Variants in MINDY2 observed in about 807,000 individuals in gnomAD.
The protein encoded by MINDY2 is MINDY lysine 48 deubiquitinase 2.
Under a neutral mutation model 68.2 loss-of-function variants are expected in MINDY2, and 52 were observed. The observed-to-expected ratio is 0.76, with a 90% CI of 0.61 to 0.96. The LOEUF (loss-of-function observed/expected upper bound fraction) is 0.96, where lower values mean the gene tolerates loss of function less well. Among genes scored for constraint, MINDY2 ranks in the 40% least tolerant of loss-of-function variants. The probability of loss-of-function intolerance (pLI) is 0.00; values close to 1 mark genes in which losing one functional copy is unlikely to be tolerated. For missense variants in MINDY2, 881 were observed against 773.4 expected (o/e 1.14, Z -1.65); for synonymous variants, 372 against 303.0 (o/e 1.23, Z -2.36).
chr15:58,822,026 G>C (rs1294652168), intron 5 of MINDY2, among the ~76,000 whole-genome samples: 1 of 152,156 alleles, frequency 6.6e-6, no homozygotes, highest in Admixed American at 6.6e-5. Flanking sequence ...AAGGCAGGCA[G>C]ATCACCTGAG....
chr15:58,773,105 A>G (rs1900546541), intron 1 of MINDY2, among the ~76,000 whole-genome samples: 1 of 150,636 alleles, frequency 6.6e-6, no homozygotes, highest in Admixed American at 6.7e-5. Flanking sequence ...TCAAATTGAT[A>G]ATTATATCTG....
At chr15:58,800,159 AT>A (rs1444977528) in intron 2 of MINDY2, among the ~76,000 whole-genome samples, 2 of 151,828 alleles carry the variant, frequency 1.3e-5, no homozygotes, top group East Asian at 1.9e-4. Context: ...CCTCTCTTCC[AT>A]TTTTTTGGCC....
chr15:58,830,787 C>G (rs1296556252), intron 5 of MINDY2, among the ~76,000 whole-genome samples: 1 of 152,018 alleles, frequency 6.6e-6, no homozygotes, highest in African/African-American at 2.4e-5. Flanking sequence ...CACTTGTTTA[C>G]AGTATGCGAG....
intron 7 of MINDY2, among the ~76,000 whole-genome samples, chr15:58,849,665 C>A (rs2032717006): frequency 6.6e-6 from 1 of 152,176 alleles, no homozygotes; most frequent in East Asian, 1.9e-4. Flanking sequence ...TTCAGAAGAA[C>A]TTGAAGGACA....
intron 1 of MINDY2, among the ~76,000 whole-genome samples, chr15:58,776,857 T>C (rs1169541133): frequency 1.3e-5 from 2 of 151,272 alleles, no homozygotes; most frequent in African/African-American, 4.9e-5. Flanking sequence ...CCCCCATCTC[T>C]GTAAAAAAAA....
At chr15:58,796,801 G>T (rs1902314468) in intron 2 of MINDY2, among the ~76,000 whole-genome samples, 2 of 152,170 alleles carry the variant, frequency 1.3e-5, no homozygotes, top group African/African-American at 4.8e-5. Flanking sequence ...GGGATTATAG[G>T]CATTAGCCAC....
intron 2 of MINDY2, among the ~76,000 whole-genome samples, chr15:58,801,376 C>G (rs1356789887): frequency 1.4e-5 from 1 of 70,438 alleles, no homozygotes; most frequent in Non-Finnish European, 2.4e-5. Flanking sequence ...AAGACCCCAT[C>G]TCTTAAAAAA....
intron 8 of MINDY2, among the ~76,000 whole-genome samples, chr15:58,853,709 A>G (rs1406487119): frequency 6.6e-6 from 1 of 150,946 alleles, no homozygotes; most frequent in East Asian, 2.0e-4. Flanking sequence ...AGTCCCAGCT[A>G]CTCGGGAGAC....
At chr15:58,836,310 T>A (rs2031991797) in intron 6 of MINDY2, among the ~76,000 whole-genome samples, 1 of 151,888 alleles carries the variant, frequency 6.6e-6, no homozygotes, top group Non-Finnish European at 1.5e-5. Flanking sequence ...CTACTATCAT[T>A]CTCAGTATCT....
rs1440129964 is a variant in MINDY2, at chr15:58,855,244, G to T, written c.*634G>T. The T allele has an allele frequency of 6.6e-6, 1 of 152,546 alleles. No individual in the cohort carries two copies. Among genetic ancestry groups the T allele is most frequent in the Non-Finnish European group, 1.5e-5 (1 of 68,002 alleles). The allele number at this position is 152,546 out of a possible 1,614,324, so 9.4% of individuals were successfully genotyped here. A position where few individuals can be genotyped will look rare whatever the true frequency, so the allele number is the denominator to read the frequency against. On this transcript the variant is annotated 3_prime_UTR_variant, in exon 9 of 9. Coordinates refer to ENST00000559228, the MANE Select transcript of MINDY2 (RefSeq NM_001040450.3). The stretch of plus-strand genomic sequence containing the variant: ...ATTTAGATAGCAAAAATAAAGATTT[G>T]TATTTCTTTTCCAATAGCAAAAAGT...
chr15:58,771,634 GCTCCTC>G lies in MINDY2; in HGVS notation c.241_246del (p.Ser81_Ser82del), dbSNP rs755573819. On this transcript the variant is annotated inframe_deletion, in exon 1 of 9. Coordinates refer to ENST00000559228, the MANE Select transcript of MINDY2 (RefSeq NM_001040450.3). ...TCTCCTGAGGTTCCCGGACCCTGCA[GCTCCTC>G]CGCGGGTTTGGACTTGAAGGACAGT... 3 of 1,612,428 alleles carry G rather than the reference GCTCCTC, an allele frequency of 1.9e-6. No individual in the cohort carries two copies. The highest frequency in any genetic ancestry group is 2.5e-6 in the Non-Finnish European group (3 of 1,179,888).
At chr15:58,798,291 AT>A (rs754213911) in intron 2 of MINDY2, among the ~76,000 whole-genome samples, 638 of 130,930 alleles carry the variant, frequency 4.9e-3, no homozygotes, top group Middle Eastern at 7.6e-3. Flanking sequence ...TAATTTTTGT[AT>A]TTTTTTTTTT....
chr15:58,835,187 TTAAA>T (rs1163732691), intron 6 of MINDY2, among the ~76,000 whole-genome samples: 1 of 152,054 alleles, frequency 6.6e-6, no homozygotes, highest in East Asian at 1.9e-4. Context: ...GGGGCAGATA[TTAAA>T]TAATTACACA....
chr15:58,816,373 G>A (rs2030689905), intron 4 of MINDY2, among the ~76,000 whole-genome samples: 1 of 152,198 alleles, frequency 6.6e-6, no homozygotes, highest in African/African-American at 2.4e-5. Flanking sequence ...AGGAATGTAA[G>A]CCTGAATTCT....
At chr15:58,803,945 G>GAAAAAAAAAAAA (rs34082956) in intron 3 of MINDY2, among the ~76,000 whole-genome samples, 7 of 77,232 alleles carry the variant, frequency 9.1e-5, no homozygotes, top group Non-Finnish European at 1.2e-4. Flanking sequence ...CAGCTCTACT[G>GAAAAAAAAAAAA]AAAAAAAAAA....
In MINDY2 at chr15:58,771,382, G is replaced by A; in HGVS notation, c.-14G>A. 6.3e-7 allele frequency: 1 copy of A among 1,597,328 alleles called. No homozygotes were observed. Among genetic ancestry groups the A allele is most frequent in the Non-Finnish European group, 8.5e-7 (1 of 1,173,708 alleles). ...GGCCGCGGTCTCCATAGAGCTGGGG[G>A]CGGGCGGCCCGGTATGGAGAGCAGC... is the stretch of plus-strand genomic sequence containing the variant. On this transcript the variant is annotated 5_prime_UTR_variant, in exon 1 of 9. Transcript: ENST00000559228.
At chr15:58,826,225 C>CTTTTTTTTTTTTTTT (rs34666834) in intron 5 of MINDY2, among the ~76,000 whole-genome samples, 1 of 98,184 alleles carries the variant, frequency 1.0e-5, no homozygotes, top group African/African-American at 4.1e-5. Context: ...TTCACACAAT[C>CTTTTTTTTTTTTTTT]TTTTTTTTTT....
rs193006881 is a variant in MINDY2, at chr15:58,831,497, A to C, written c.1226-277A>C. ...TGTCTGCTTTTTTACTGCAACCTGC[A>C]TGAAATCCTTTGTAATAGTAGGTGA... is the stretch of plus-strand genomic sequence containing the variant. On this transcript the variant is annotated intron_variant, in intron 5 of 8. Coordinates refer to ENST00000559228, the MANE Select transcript of MINDY2 (RefSeq NM_001040450.3). Among the ~76,000 whole-genome samples, 144 of 152,278 alleles carry C rather than the reference A, an allele frequency of 9.5e-4. 1 individual carries two copies. Among genetic ancestry groups the C allele is most frequent in the Non-Finnish European group, 1.6e-3 (107 of 68,030 alleles).
At chr15:58,839,396 A>G (rs28748572) in intron 6 of MINDY2, among the ~76,000 whole-genome samples, 54 of 152,128 alleles carry the variant, frequency 3.5e-4, no homozygotes, top group Middle Eastern at 3.4e-3. Context: ...CAGTGGCACA[A>G]TCTTGGCTCA....
Sources: gnomAD v4.1 joint callset for allele counts (sites outside exome capture counted in the v4.1 genomes callset) on GRCh38, gnomAD v4.1.1 for gene constraint, MANE v1.5 for transcripts, NCBI Gene and HGNC (gene_info 2026-07-23, HGNC 2026-07-21) for gene names.